Variants in ARIH1 observed in about 807,000 individuals in gnomAD.
ARIH1 encodes the protein ariadne RBR E3 ubiquitin protein ligase 1, also known as E3 ubiquitin-protein ligase ARIH1.
A neutral mutation model predicts 85.0 loss-of-function variants in ARIH1; 8 were observed. That is an observed-to-expected ratio of 0.09 (90% CI 0.06 to 0.17). The LOEUF is 0.17. Ranked by LOEUF, ARIH1 falls within the 10% of genes least tolerant of loss-of-function variation. The pLI is 1.00. For synonymous variants in ARIH1, 238 were observed against 253.6 expected, an observed-to-expected ratio of 0.94 and a Z score of 0.59; for missense variants, 311 against 718.1, an observed-to-expected ratio of 0.43 and a Z score of 6.48.
Position 72,583,399 on chromosome 15 carries a change from C to A in ARIH1, c.*107C>A. 1 of 791,626 alleles carries A rather than the reference C, an allele frequency of 1.3e-6. No individual in the cohort carries two copies. Among genetic ancestry groups the A allele is most frequent in the Non-Finnish European group, 2.1e-6 (1 of 481,868 alleles). 49.0% of individuals were successfully genotyped at this position (791,626 alleles called of 1,614,324 possible). A position where few individuals can be genotyped will look rare whatever the true frequency, so the allele number is the denominator to read the frequency against. On this transcript the variant is annotated 3_prime_UTR_variant, in exon 14 of 14. Coordinates refer to ENST00000379887, the MANE Select transcript of ARIH1 (RefSeq NM_005744.5). ...GGAGGCACTAAGCCTATTCTGACAC[C>A]ACTGGTCTGTAGTACCAGAATTGTT... is the stretch of plus-strand genomic sequence containing the variant.
intron 2 of ARIH1, among the ~76,000 whole-genome samples, chr15:72,526,365 C>T (rs2140415252): frequency 6.6e-6 from 1 of 152,230 alleles, no homozygotes; most frequent in Middle Eastern, 3.4e-3. Flanking sequence ...TTGTTTGCCC[C>T]ATGCCTCTTA....
chr15:72,572,179 T>A lies in ARIH1; in HGVS notation c.1215+14T>A. On this transcript the variant is annotated intron_variant, in intron 11 of 13. Coordinates refer to ENST00000379887, the MANE Select transcript of ARIH1 (RefSeq NM_005744.5). Reference sequence around the variant, plus strand: ...GATGCACAGGAGGTAAGTATATGTATAACAGGACAATAGTTGACTAAGAAT... The same window carrying A: ...GATGCACAGGAGGTAAGTATATGTAAAACAGGACAATAGTTGACTAAGAAT... 6.4e-7 allele frequency: 1 copy of A among 1,563,942 alleles called. No homozygotes were observed. The highest frequency in any genetic ancestry group is 8.8e-7 in the Non-Finnish European group (1 of 1,137,360).
intron 10 of ARIH1, among the ~76,000 whole-genome samples, chr15:72,571,736 C>G (rs1378290316): frequency 1.3e-5 from 2 of 152,062 alleles, no homozygotes; most frequent in Non-Finnish European, 2.9e-5. Context: ...TTATCTCTTT[C>G]TCAAAAAGTT....
At chr15:72,522,398 C>T (rs2140413314) in intron 2 of ARIH1, among the ~76,000 whole-genome samples, 1 of 152,170 alleles carries the variant, frequency 6.6e-6, no homozygotes, top group South Asian at 2.1e-4. Context: ...CCTGTTATTC[C>T]AGCTATGCAG....
At chr15:72,522,762 C>A (rs1047781152) in intron 2 of ARIH1, among the ~76,000 whole-genome samples, 6 of 152,138 alleles carry the variant, frequency 3.9e-5, no homozygotes, top group Admixed American at 2.6e-4. Flanking sequence ...TAACAAAGGA[C>A]TCTTGTCCGA....
chr15:72,548,936 C>T (rs1595867188), intron 3 of ARIH1, among the ~76,000 whole-genome samples: 1 of 152,256 alleles, frequency 6.6e-6, no homozygotes, highest in African/African-American at 2.4e-5. Flanking sequence ...TGAGTGGCTG[C>T]TTCTTTCAAA....
intron 1 of ARIH1, among the ~76,000 whole-genome samples, chr15:72,512,379 T>C (rs1242652166): frequency 6.6e-6 from 1 of 152,090 alleles, no homozygotes; most frequent in African/African-American, 2.4e-5. Context: ...TTTGTGTCTT[T>C]AAGAAGTTGG....
Position 72,580,808 on chromosome 15 carries a change from G to A in ARIH1, c.1293G>A (p.Glu431=). ...YMNHMQSLRF[E]HKLYAQVKQK... ...ACCACATGCAGAGCCTGCGCTTTGA[G>A]CACAAACTATATGCTCAGGTGAAAC... The change falls in exon 12 of 14, where the codon GAG becomes GAA. Residue 431 remains glutamate, a synonymous_variant. Coordinates refer to ENST00000379887, the MANE Select transcript of ARIH1 (RefSeq NM_005744.5). The A allele has an allele frequency of 6.2e-7, 1 of 1,614,176 alleles. No individual in the cohort carries two copies.
At chr15:72,483,199 C>T (rs2063823417) in intron 1 of ARIH1, among the ~76,000 whole-genome samples, 1 of 152,070 alleles carries the variant, frequency 6.6e-6, no homozygotes, top group Admixed American at 6.6e-5. Flanking sequence ...GGGAAGCTTC[C>T]CCTTCCGAGC....
In ARIH1 at chr15:72,595,041, TATTAA is replaced by T. The variant is rs985635592; in HGVS notation, c.*11753_*11757del. 6.6e-6 allele frequency: 1 copy of T among 152,200 alleles called. No individual in the cohort carries two copies. The highest frequency in any genetic ancestry group is 2.4e-5 in the African/African-American group (1 of 41,452). The allele number at this position is 152,200 out of a possible 1,614,324, so 9.4% of individuals were successfully genotyped here. A position where few individuals can be genotyped will look rare whatever the true frequency, so the allele number is the denominator to read the frequency against. On this transcript the variant is annotated 3_prime_UTR_variant, in exon 14 of 14. Coordinates refer to ENST00000379887, the MANE Select transcript of ARIH1 (RefSeq NM_005744.5). ...GTTGATAATTTTTATTAGGAAGGGT[TATTAA>T]ATTTTGTGAGATGCGTTTTTAGCTT...
intron 2 of ARIH1, among the ~76,000 whole-genome samples, chr15:72,521,197 A>T (rs1162748276): frequency 7.4e-5 from 2 of 27,122 alleles, no homozygotes; most frequent in East Asian, 2.1e-3. Context: ...TATGTATTTA[A>T]TGCCCCCCCC....
chr15:72,508,153 C>G (rs2063934309), intron 1 of ARIH1, among the ~76,000 whole-genome samples: 1 of 152,140 alleles, frequency 6.6e-6, no homozygotes, highest in Admixed American at 6.5e-5. Context: ...CCAGAATGGA[C>G]AGGGGTGGGT....
chr15:72,539,452 G>GA lies in ARIH1; in HGVS notation c.444-5358dup, dbSNP rs34405871. ...AGGTGAAAAGGGAACTGACAGAACA[G>GA]AAAAAAAAAAGAAAGGATAAATAAT... On this transcript the variant is annotated intron_variant, in intron 2 of 13. Transcript: ENST00000379887. 2.4e-3 allele frequency among the ~76,000 whole-genome samples: 342 copies of GA among 145,040 alleles called. 1 individual carries two copies. Among genetic ancestry groups the GA allele is most frequent in the African/African-American group, 8.3e-3 (328 of 39,712 alleles).
chr15:72,531,768 C>T (rs1258191575), intron 2 of ARIH1, among the ~76,000 whole-genome samples: 1 of 152,116 alleles, frequency 6.6e-6, no homozygotes, highest in Admixed American at 6.5e-5. Context: ...TAAACCTTAC[C>T]TAGAATACTA....
chr15:72,536,485 A>G (rs1365890616), intron 2 of ARIH1, among the ~76,000 whole-genome samples: 1 of 152,216 alleles, frequency 6.6e-6, no homozygotes, highest in Admixed American at 6.5e-5. Context: ...ATTATGTAAA[A>G]AAGCTTTTTG....
intron 1 of ARIH1, among the ~76,000 whole-genome samples, chr15:72,509,076 C>T (rs957574286): frequency 2.6e-5 from 4 of 151,522 alleles, no homozygotes; most frequent in East Asian, 1.9e-4. Context: ...CTGCAACCTC[C>T]GCTTCCTGGG....
At chr15:72,555,804 A>C in intron 4 of ARIH1, 48 bp from the exon 5 acceptor site, 1 of 1,529,006 alleles carries the variant, frequency 6.5e-7, no homozygotes, top group South Asian at 1.1e-5. Context: ...GTAAGCATTC[A>C]TTAAATATTT....
chr15:72,476,145 G>T (rs1450695790), intron 1 of ARIH1, among the ~76,000 whole-genome samples: 3 of 152,148 alleles, frequency 2.0e-5, no homozygotes, highest in Non-Finnish European at 4.4e-5. Context: ...CAAATTAGAA[G>T]TATGTCACTG....
chr15:72,574,894 AC>A (rs201163446), intron 11 of ARIH1, among the ~76,000 whole-genome samples: 1 of 107,862 alleles, frequency 9.3e-6, no homozygotes, highest in African/African-American at 3.0e-5. Flanking sequence ...ACATAGTAAG[AC>A]CCCCCCGCCG....
Sources: allele counts gnomAD v4.1 joint callset (sites outside exome capture counted in the v4.1 genomes callset), GRCh38; gene constraint gnomAD v4.1.1; transcripts MANE v1.5; gene names NCBI Gene and HGNC (gene_info 2026-07-23, HGNC 2026-07-21).